Variants in SLC13A3 observed in about 807,000 individuals in gnomAD.
SLC13A3 encodes the protein Na(+)/dicarboxylate cotransporter 3.
In SLC13A3, 40 loss-of-function variants were observed where a neutral mutation model predicts 59.0. The ratio of observed to expected loss-of-function variants is 0.68; its 90% CI spans 0.53 to 0.88. SLC13A3 has a LOEUF of 0.88. Among genes scored for constraint, SLC13A3 ranks in the 40% least tolerant of loss-of-function variants. The pLI, the probability that SLC13A3 is intolerant of heterozygous loss-of-function variation, is 0.00. For synonymous variants in SLC13A3, 317 were observed against 330.3 expected, an observed-to-expected ratio of 0.96 and a Z score of 0.44; for missense variants, 699 against 783.2, an observed-to-expected ratio of 0.89 and a Z score of 1.28.
chr20:46,621,103 T>G (rs997959204), intron 1 of SLC13A3, among the ~76,000 whole-genome samples: 14 of 152,234 alleles, frequency 9.2e-5, no homozygotes, highest in African/African-American at 3.4e-4. Context: ...CTAATTGACT[T>G]TCTGGAGGGC....
intron 12 of SLC13A3, 76 bp downstream of exon 12, chr20:46,563,338 C>T: frequency 1.3e-6 from 2 of 1,542,882 alleles, no homozygotes; most frequent in Non-Finnish European, 8.8e-7. Flanking sequence ...TGCAGGAGTC[C>T]TGCATAGAGG....
intron 1 of SLC13A3, among the ~76,000 whole-genome samples, chr20:46,626,555 G>A (rs1400975520): frequency 6.6e-6 from 1 of 152,096 alleles, no homozygotes; most frequent in Non-Finnish European, 1.5e-5. Context: ...AGAGGGACTG[G>A]AGCAGAGCCA....
intron 1 of SLC13A3, among the ~76,000 whole-genome samples, chr20:46,635,282 T>C (rs2062784659): frequency 6.6e-6 from 1 of 152,096 alleles, no homozygotes; most frequent in South Asian, 2.1e-4. Flanking sequence ...GGGAAAGGAA[T>C]TTGAAGCACA....
At chr20:46,607,900 G>A (rs575306530) in intron 3 of SLC13A3, among the ~76,000 whole-genome samples, 53 of 152,054 alleles carry the variant, frequency 3.5e-4, no homozygotes, top group Non-Finnish European at 5.7e-4. Context: ...TGCTTGCTCC[G>A]TCTCATTCAG....
intron 1 of SLC13A3, among the ~76,000 whole-genome samples, chr20:46,624,156 C>G (rs999548374): frequency 6.6e-6 from 1 of 152,170 alleles, no homozygotes; most frequent in Non-Finnish European, 1.5e-5. Flanking sequence ...CTGTTCCTTG[C>G]CAATTCCTCA....
chr20:46,568,315 T>G (rs188061456), intron 10 of SLC13A3, among the ~76,000 whole-genome samples: 65 of 144,940 alleles, frequency 4.5e-4, no homozygotes, highest in African/African-American at 1.7e-3. Flanking sequence ...GGATAATCAC[T>G]TAAACCAGGG....
chr20:46,578,034 C>T (rs62214363), intron 9 of SLC13A3, among the ~76,000 whole-genome samples: 43,135 of 151,842 alleles, frequency 0.28, 6,250 homozygotes, highest in Middle Eastern at 0.36. Context: ...GGAGTCTCGT[C>T]TCTGTCGCCC....
At chr20:46,575,896 G>T (rs393990) in intron 9 of SLC13A3, among the ~76,000 whole-genome samples, 121,783 of 152,096 alleles carry the variant, frequency 0.8, 49,029 homozygotes, top group East Asian at 0.87. Context: ...AATTGTCATG[G>T]TTCCCACAGC....
rs1223634733 is a variant in SLC13A3 at position 46,574,969 on chromosome 20, C to CA, written c.1332+603dup. On this transcript the variant is annotated intron_variant, in intron 10 of 12. Transcript: ENST00000279027. ...GCTAATTTTTTTAACCCCATCTCTA[C>CA]AAAAAAAAAATACAAAAGAAAATTA... Among the ~76,000 whole-genome samples the CA allele has an allele frequency of 1.4e-3, 201 of 143,932 alleles. 1 individual carries two copies. The highest frequency in any genetic ancestry group is 5.7e-3 in the South Asian group (26 of 4,556). The allele number at this position is 143,932 out of a possible 152,430, so 94.4% of individuals were successfully genotyped here.
At chr20:46,613,845 C>A (rs1363752320) in intron 1 of SLC13A3, 120 bp from the exon 2 acceptor site, 3 of 881,664 alleles carry the variant, frequency 3.4e-6, no homozygotes, top group Non-Finnish European at 1.7e-6. Flanking sequence ...GGGAAGGAGG[C>A]CTGCGGCAGG....
upstream of SLC13A3, among the ~76,000 whole-genome samples, chr20:46,654,579 G>A (rs1422751497): frequency 6.6e-6 from 1 of 152,026 alleles, no homozygotes; most frequent in Admixed American, 6.6e-5. Flanking sequence ...GCCCAGACTA[G>A]AGTGCAATGG....
intron 1 of SLC13A3, among the ~76,000 whole-genome samples, chr20:46,676,546 C>CAT (rs1444598876): frequency 2.0e-5 from 3 of 151,788 alleles, no homozygotes; most frequent in Admixed American, 1.3e-4. Flanking sequence ...CGAGCCACTG[C>CAT]GCCCGGCCCC....
chr20:46,566,342 T>C lies in SLC13A3; in HGVS notation c.1381A>G (p.Asn461Asp). ...AGCACAGCCAGGGCGGGGGGCACAT[T>C]CTCCAGGGGGTGCAGCTGCCCACCA... Reference protein sequence around the residue: ...WIGGQLHPLENVPPALAVLLI... With the variant: ...WIGGQLHPLEDVPPALAVLLI... The change falls in exon 11 of 13, where the codon AAT becomes GAT. Residue 461 changes from asparagine to aspartate, a missense_variant. Transcript: ENST00000279027. 6.2e-7 allele frequency: 1 copy of C among 1,612,418 alleles called. No individual in the cohort carries two copies. Among genetic ancestry groups the C allele is most frequent in the Non-Finnish European group, 8.5e-7 (1 of 1,178,792 alleles).
Position 46,596,162 on chromosome 20 carries a change from G to T in SLC13A3, c.789C>A (p.Leu263=). Residue 263 remains leucine, a synonymous_variant, in exon 5 of 13, where the codon CTC becomes CTA. Transcript: ENST00000279027. ...TAPNLILLGQ[L]KSFFPQCDVV... ...GTGGGGACTCTCGCTTTCACCTCTT[G>T]AGCTGGCCAAGCAGGATGAGGTTAG... The T allele has an allele frequency of 1.9e-6, 3 of 1,613,242 alleles. No homozygotes were observed. Among genetic ancestry groups the T allele is most frequent in the South Asian group, 2.2e-5 (2 of 90,952 alleles).
At chr20:46,634,713 G>T (rs1407852398) in intron 1 of SLC13A3, among the ~76,000 whole-genome samples, 1 of 152,174 alleles carries the variant, frequency 6.6e-6, no homozygotes, top group Non-Finnish European at 1.5e-5. Context: ...GGTGTGCCCT[G>T]GATGCAGGAG....
intron 2 of SLC13A3, among the ~76,000 whole-genome samples, chr20:46,612,561 T>C (rs1203096938): frequency 6.6e-6 from 1 of 152,092 alleles, no homozygotes; most frequent in Non-Finnish European, 1.5e-5. Context: ...GTTTGCGGTG[T>C]TAATAAAACA....
chr20:46,673,338 G>T (rs1024565869), upstream of SLC13A3, among the ~76,000 whole-genome samples: 4 of 152,180 alleles, frequency 2.6e-5, no homozygotes, highest in African/African-American at 9.7e-5. Flanking sequence ...ATGGAGGCTT[G>T]CTGTGTGCCA....
At chr20:46,678,002 T>C (rs1047473704) in intron 1 of SLC13A3, among the ~76,000 whole-genome samples, 6 of 152,218 alleles carry the variant, frequency 3.9e-5, no homozygotes, top group East Asian at 1.9e-4. Flanking sequence ...TTGTTTAACA[T>C]TGGCAACTAA....
In SLC13A3 at chr20:46,566,889, T is replaced by C. The variant is rs2061985943; in HGVS notation, c.1333-499A>G. Among the ~76,000 whole-genome samples, 9 of 151,824 alleles carry C rather than the reference T, an allele frequency of 5.9e-5. No homozygotes were observed. In the South Asian group the frequency reaches 1.9e-3, roughly 32 times the overall value. The stretch of plus-strand genomic sequence containing the variant: ...TCATATATAAAACACGTATCAGATA[T>C]ACATCAACTACAACACAATCAATGT... On this transcript the variant is annotated intron_variant, in intron 10 of 12. Transcript: ENST00000279027.
Sources: gnomAD v4.1 joint callset for allele counts (sites outside exome capture counted in the v4.1 genomes callset) on GRCh38, gnomAD v4.1.1 for gene constraint, MANE v1.5 for transcripts, NCBI Gene and HGNC (gene_info 2026-07-23, HGNC 2026-07-21) for gene names.